Variants in SYT9 observed in about 807,000 individuals in gnomAD.
SYT9 encodes the protein synaptotagmin 9, also known as synaptotagmin-9.
A neutral mutation model predicts 48.4 loss-of-function variants in SYT9; 22 were observed. The ratio of observed to expected loss-of-function variants is 0.45; its 90% CI spans 0.32 to 0.65. The LOEUF (loss-of-function observed/expected upper bound fraction) is 0.65, where lower values mean the gene tolerates loss of function less well. Ranked by LOEUF, SYT9 falls within the 30% of genes least tolerant of loss-of-function variation. The pLI, the probability that SYT9 is intolerant of heterozygous loss-of-function variation, is 0.03. For missense variants in SYT9, 577 were observed against 622.0 expected, an observed-to-expected ratio of 0.93 and a Z score of 0.77; for synonymous variants, 265 against 245.0, an observed-to-expected ratio of 1.08 and a Z score of -0.76.
chr11:7,450,034 T>C (rs1415548615), intron 6 of SYT9, among the ~76,000 whole-genome samples: 2 of 152,188 alleles, frequency 1.3e-5, no homozygotes, highest in Non-Finnish European at 2.9e-5. Flanking sequence ...ATCCCTCCGA[T>C]GAATAATAAT....
At chr11:7,334,728 G>A (rs1849604673) in intron 3 of SYT9, among the ~76,000 whole-genome samples, 1 of 137,000 alleles carries the variant, frequency 7.3e-6, no homozygotes, top group South Asian at 2.7e-4. Context: ...ATAGAAATAA[G>A]CATCATACAG....
At chr11:7,430,446 G>A (rs1251676163) in intron 6 of SYT9, among the ~76,000 whole-genome samples, 1 of 152,166 alleles carries the variant, frequency 6.6e-6, no homozygotes, top group African/African-American at 2.4e-5. Flanking sequence ...AAACAATAGG[G>A]TGATTTTTTC....
At chr11:7,256,386 C>A (rs888085151) in intron 1 of SYT9, among the ~76,000 whole-genome samples, 5 of 152,104 alleles carry the variant, frequency 3.3e-5, no homozygotes, top group Admixed American at 1.3e-4. Flanking sequence ...TAACAGGATC[C>A]TCAGGTGAGA....
At chr11:7,446,308 ATAAGT>A (rs1318203767) in intron 6 of SYT9, among the ~76,000 whole-genome samples, 1 of 152,250 alleles carries the variant, frequency 6.6e-6, no homozygotes, top group Non-Finnish European at 1.5e-5. Context: ...TAAGAATTAA[ATAAGT>A]TAATAAATGC....
chr11:7,422,254 G>A (rs1203659371), intron 6 of SYT9, among the ~76,000 whole-genome samples: 2 of 152,182 alleles, frequency 1.3e-5, no homozygotes, highest in African/African-American at 2.4e-5. Context: ...TTGGAAGTGG[G>A]GCAGGAAGGA....
intron 6 of SYT9, among the ~76,000 whole-genome samples, chr11:7,453,566 G>A (rs1848098376): frequency 6.6e-6 from 1 of 152,218 alleles, no homozygotes; most frequent in Admixed American, 6.5e-5. Context: ...CAGTTGAACA[G>A]AAAATAGGTC....
chr11:7,248,870 G>A (rs1162350070), upstream of SYT9, among the ~76,000 whole-genome samples: 1 of 152,044 alleles, frequency 6.6e-6, no homozygotes, highest in Non-Finnish European at 1.5e-5. Flanking sequence ...AGCCCACATA[G>A]CCAAAGCAAG....
rs571636034 is a variant in SYT9 at position 7,432,762 on chromosome 11, G to A, written c.1467+12127G>A. ...CTTGTACCTCTATTGTATCTTAGAA[G>A]TAAATGACTTGATTTTTTATATTAC... On this transcript the variant is annotated intron_variant, in intron 6 of 6. Coordinates refer to ENST00000318881, the MANE Select transcript of SYT9 (RefSeq NM_175733.4). 9.9e-5 allele frequency among the ~76,000 whole-genome samples: 15 copies of A among 151,378 alleles called. No individual in the cohort carries two copies. The South Asian group carries it at 2.9e-3, about 30-fold the overall frequency.
At chr11:7,431,454 A>G (rs1350111185) in intron 6 of SYT9, among the ~76,000 whole-genome samples, 1 of 152,264 alleles carries the variant, frequency 6.6e-6, no homozygotes, top group East Asian at 1.9e-4. Context: ...CAGTAAAAGA[A>G]AAAGCTTTTC....
At chr11:7,375,683 G>C (rs989103953) in intron 3 of SYT9, among the ~76,000 whole-genome samples, 5 of 152,130 alleles carry the variant, frequency 3.3e-5, no homozygotes, top group Non-Finnish European at 1.5e-5. Flanking sequence ...TAGCAATTGT[G>C]AATGGGAGTT....
intron 3 of SYT9, among the ~76,000 whole-genome samples, chr11:7,375,297 C>A (rs1158770474): frequency 6.6e-6 from 1 of 152,106 alleles, no homozygotes; most frequent in Non-Finnish European, 1.5e-5. Flanking sequence ...GGTACCAGTA[C>A]CATGCTGTTT....
chr11:7,377,326 T>G (rs1850473099), intron 3 of SYT9, among the ~76,000 whole-genome samples: 1 of 152,012 alleles, frequency 6.6e-6, no homozygotes, highest in African/African-American at 2.4e-5. Flanking sequence ...AGAGAATTAT[T>G]ATTGTCTCTA....
chr11:7,448,911 G>C (rs1847988378), intron 6 of SYT9, among the ~76,000 whole-genome samples: 2 of 152,096 alleles, frequency 1.3e-5, no homozygotes, highest in African/African-American at 4.8e-5. Flanking sequence ...CAGGGCTTGA[G>C]GTGGAAAGGA....
At chr11:7,286,165 G>A (rs1340741032) in intron 1 of SYT9, among the ~76,000 whole-genome samples, 1 of 152,142 alleles carries the variant, frequency 6.6e-6, no homozygotes, top group Non-Finnish European at 1.5e-5. Context: ...CCCTAGCAGA[G>A]GTTCTCCATG....
chr11:7,380,312 TGG>T (rs1850537543), intron 3 of SYT9, among the ~76,000 whole-genome samples: 1 of 151,928 alleles, frequency 6.6e-6, no homozygotes, highest in African/African-American at 2.4e-5. Context: ...TGGGGGAGTG[TGG>T]GGATGGGTAA....
chr11:7,433,415 T>C (rs1188849404), intron 6 of SYT9, among the ~76,000 whole-genome samples: 1 of 152,234 alleles, frequency 6.6e-6, no homozygotes, highest in Non-Finnish European at 1.5e-5. Flanking sequence ...ACATTCTGAA[T>C]TTTTCTTCCT....
chr11:7,409,005 T>TACTAACATTCAGTATG (rs1375236507), intron 3 of SYT9, among the ~76,000 whole-genome samples: 1 of 152,216 alleles, frequency 6.6e-6, no homozygotes, highest in Non-Finnish European at 1.5e-5. Context: ...GTAGTGTTCA[T>TACTAACATTCAGTATG]ACTAACATTC....
intron 6 of SYT9, among the ~76,000 whole-genome samples, chr11:7,425,910 A>C (rs940508465): frequency 3.3e-5 from 5 of 152,282 alleles, no homozygotes; most frequent in African/African-American, 1.2e-4. Flanking sequence ...CTGAGAACAA[A>C]ATTTTTGTTA....
At chr11:7,308,119 C>A (rs1258514469) in intron 2 of SYT9, among the ~76,000 whole-genome samples, 4 of 152,218 alleles carry the variant, frequency 2.6e-5, no homozygotes, top group African/African-American at 9.6e-5. Flanking sequence ...TTCAGGAAAA[C>A]CTAACTCTCT....
Sources: gnomAD v4.1 joint callset for allele counts (sites outside exome capture counted in the v4.1 genomes callset) on GRCh38, gnomAD v4.1.1 for gene constraint, MANE v1.5 for transcripts, NCBI Gene and HGNC (gene_info 2026-07-23, HGNC 2026-07-21) for gene names.